The following XG variants were observed in gnomAD, a reference collection of about 807,000 sequenced individuals.
XG encodes the protein glycoprotein Xg.
Under a neutral mutation model 25.7 loss-of-function variants are expected in XG, and 24 were observed. That is an observed-to-expected ratio of 0.93 (90% CI 0.68 to 1.31). The LOEUF (loss-of-function observed/expected upper bound fraction) is 1.31, where lower values mean the gene tolerates loss of function less well. XG is among the 40% of genes most tolerant of loss of function. The pLI is 0.00. For synonymous variants in XG, 77 were observed against 69.2 expected (o/e 1.11, Z -0.56); for missense variants, 181 against 187.6 (o/e 0.96, Z 0.21).
chrX:2,782,578 G>C (rs1292960643), intron 4 of XG, among the ~76,000 whole-genome samples: 2 of 111,324 alleles, frequency 1.8e-5, no homozygotes, highest in East Asian at 2.8e-4. Context: ...GGTCAGGTTG[G>C]AAAGGGAACC....
At chrX:2,773,935 C>G (rs1415096187) in intron 2 of XG, among the ~76,000 whole-genome samples, 2 of 152,034 alleles carry the variant, frequency 1.3e-5, no homozygotes, top group African/African-American at 4.8e-5. Flanking sequence ...ACAGGACATG[C>G]GAAACCATAT....
intron 1 of XG, among the ~76,000 whole-genome samples, chrX:2,765,055 A>G (rs2050648105): frequency 2.1e-5 from 3 of 142,710 alleles, no homozygotes; most frequent in South Asian, 2.3e-4. Flanking sequence ...AAAAAAAAAA[A>G]AAAAAAAAAA....
At chrX:2,801,764 A>G (rs1277348307) in intron 7 of XG, among the ~76,000 whole-genome samples, 6 of 110,501 alleles carry the variant, frequency 5.4e-5, no homozygotes, top group Non-Finnish European at 7.6e-5. Context: ...GCTGGAGTGC[A>G]GTGGCGTCAT....
At chrX:2,756,859 G>T (rs1207615132) in intron 1 of XG, among the ~76,000 whole-genome samples, 1 of 152,042 alleles carries the variant, frequency 6.6e-6, no homozygotes, top group Admixed American at 6.6e-5. Context: ...ATCTAGGGAT[G>T]GGTGCCTGCG....
intron 8 of XG, among the ~76,000 whole-genome samples, 181 bp downstream of exon 8, chrX:2,806,926 C>G (rs1047423737): frequency 8.0e-5 from 9 of 112,067 alleles, no homozygotes; most frequent in African/African-American, 2.9e-4. Flanking sequence ...TTGTGCATGC[C>G]CTGAGGACTT....
chrX:2,767,181 C>T (rs2050718738), intron 1 of XG, among the ~76,000 whole-genome samples: 1 of 152,132 alleles, frequency 6.6e-6, no homozygotes, highest in African/African-American at 2.4e-5. Context: ...CAATAAGAAG[C>T]ATCTTTGAAT....
chrX:2,765,847 G>T (rs1232078566), intron 1 of XG, among the ~76,000 whole-genome samples: 1 of 152,212 alleles, frequency 6.6e-6, no homozygotes, highest in Non-Finnish European at 1.5e-5. Context: ...ATTGCTGTTT[G>T]TTATATTGAC....
chrX:2,812,990 A>G (rs1406972486), intron 10 of XG, among the ~76,000 whole-genome samples: 2 of 112,099 alleles, frequency 1.8e-5, no homozygotes, highest in Admixed American at 1.9e-4. Flanking sequence ...TTTTAGAAGG[A>G]AAATCATTGG....
At chrX:2,771,109 T>C (rs311147) in intron 2 of XG, among the ~76,000 whole-genome samples, 124,257 of 151,980 alleles carry the variant, frequency 0.82, 50,787 homozygotes, top group South Asian at 0.92. Context: ...CTACCTTGGT[T>C]TCTCAAAACA....
chrX:2,804,951 A>C (rs1221116649), intron 7 of XG, among the ~76,000 whole-genome samples: 1 of 112,422 alleles, frequency 8.9e-6, no homozygotes, highest in Non-Finnish European at 1.9e-5. Context: ...TTTTGGGAGC[A>C]TGACGCTTGT....
At chrX:2,758,242 C>T (rs1484320654) in intron 1 of XG, among the ~76,000 whole-genome samples, 2 of 152,052 alleles carry the variant, frequency 1.3e-5, no homozygotes, top group Admixed American at 6.6e-5. Flanking sequence ...GTAGCCATTT[C>T]GTGCAGTGAT....
At position 2,783,203 on chromosome X, in the gene XG, T is replaced by C. The variant is rs1362455058; in HGVS notation, c.190+1075T>C. ...GCTTAACCATTCCCAAACCCCCACG[T>C]GTGCTGTGCACTTTATGTGTTTTAG... On this transcript the variant is annotated intron_variant, in intron 4 of 10. Transcript: ENST00000644266. Among the ~76,000 whole-genome samples the C allele has an allele frequency of 6.3e-5, 7 of 111,823 alleles. No individual in the cohort carries two copies. In the East Asian group the frequency reaches 2.0e-3, roughly 31 times the overall value.
intron 1 of XG, among the ~76,000 whole-genome samples, chrX:2,757,380 C>T (rs1396222183): frequency 6.6e-6 from 1 of 151,044 alleles, no homozygotes; most frequent in Non-Finnish European, 1.5e-5. Context: ...TACAGGTTTC[C>T]AGGCTTGAGG....
chrX:2,780,704 C>G (rs1311751560), intron 3 of XG, among the ~76,000 whole-genome samples: 2 of 144,848 alleles, frequency 1.4e-5, no homozygotes, highest in Non-Finnish European at 3.0e-5. Context: ...GGCGACAGAC[C>G]AAGACTCTGT....
intron 4 of XG, among the ~76,000 whole-genome samples, chrX:2,787,517 C>T (rs1202702758): frequency 1.8e-5 from 2 of 111,540 alleles, no homozygotes; most frequent in African/African-American, 6.5e-5. Context: ...GCCTTCTGGC[C>T]TGGAAACCAA....
At chrX:2,774,419 C>T (rs1004921213) in intron 2 of XG, among the ~76,000 whole-genome samples, 5 of 102,088 alleles carry the variant, frequency 4.9e-5, no homozygotes, top group African/African-American at 1.8e-4. Context: ...CTCCACCGTC[C>T]AGCCCTGTGG....
At chrX:2,765,085 T>C (rs952819611) in intron 1 of XG, among the ~76,000 whole-genome samples, 72 of 127,754 alleles carry the variant, frequency 5.6e-4, no homozygotes, top group Non-Finnish European at 1.0e-3. Flanking sequence ...CGGCGGCTCA[T>C]GCCTGTAATC....
At chrX:2,789,320 C>G (rs1227898723) in intron 4 of XG, among the ~76,000 whole-genome samples, 1 of 112,073 alleles carries the variant, frequency 8.9e-6, no homozygotes, top group Non-Finnish European at 1.9e-5. Context: ...ATGTTTCATC[C>G]TAACATTTAT....
intron 1 of XG, among the ~76,000 whole-genome samples, chrX:2,766,068 G>T (rs2050678095): frequency 6.6e-6 from 1 of 152,168 alleles, no homozygotes; most frequent in Non-Finnish European, 1.5e-5. Context: ...GGACAAAAAG[G>T]GCCTGATCCA....
Sources: allele counts gnomAD v4.1 joint callset (sites outside exome capture counted in the v4.1 genomes callset), GRCh38; gene constraint gnomAD v4.1.1; transcripts MANE v1.5; gene names NCBI Gene and HGNC (gene_info 2026-07-23, HGNC 2026-07-21).